CLIP1: variants seen among roughly 807,000 people sequenced by gnomAD.
CLIP1 encodes CAP-Gly domain-containing linker protein 1.
CLIP1 carries 66 observed loss-of-function variants against 161.6 expected under a neutral mutation model. The ratio of observed to expected loss-of-function variants is 0.41; its 90% CI spans 0.33 to 0.50. CLIP1 has a LOEUF of 0.50. CLIP1 is among the 20% of genes least tolerant of loss of function. The pLI is 0.27. For synonymous variants in CLIP1, 598 were observed against 626.2 expected, an observed-to-expected ratio of 0.96 and a Z score of 0.67; for missense variants, 1,376 against 1,702.0, an observed-to-expected ratio of 0.81 and a Z score of 3.37.
chr12:122,364,422 G>C (rs1334611471), intron 3 of CLIP1, among the ~76,000 whole-genome samples: 1 of 89,774 alleles, frequency 1.1e-5, no homozygotes, highest in Non-Finnish European at 2.3e-5. Flanking sequence ...TTTTTTTTTT[G>C]AGACAGGGTC....
Position 122,316,813 on chromosome 12 carries a change from G to T in CLIP1, c.3409C>A (p.Leu1137Met). 6.3e-7 allele frequency: 1 copy of T among 1,590,844 alleles called. No homozygotes were observed. ...KENNLKNVEELNKSKELLTVE... is the reference protein window; with the variant it reads ...KENNLKNVEEMNKSKELLTVE... ...GTCAGGAGTTCTTTTGATTTGTTCA[G>T]CTCTTCCACATTTTTCAAGTTGTTT... Residue 1137 changes from leucine to methionine, a missense_variant, in exon 19 of 26, where the codon CTG becomes ATG. Transcript: ENST00000620786.
At chr12:122,317,008 A>C (rs1431874362) in intron 18 of CLIP1, among the ~76,000 whole-genome samples, 153 bp from the exon 19 acceptor site, 1 of 152,078 alleles carries the variant, frequency 6.6e-6, no homozygotes, top group Non-Finnish European at 1.5e-5. Context: ...ATTACAGATG[A>C]CAAGTCTATT....
chr12:122,358,650 T>C (rs1228155325), intron 5 of CLIP1, among the ~76,000 whole-genome samples: 1 of 151,910 alleles, frequency 6.6e-6, no homozygotes, highest in South Asian at 2.1e-4. Flanking sequence ...TTTCATAGGA[T>C]TGTTTGATAA....
At chr12:122,409,656 C>G (rs774901348) in intron 1 of CLIP1, among the ~76,000 whole-genome samples, 2 of 151,332 alleles carry the variant, frequency 1.3e-5, no homozygotes, top group Non-Finnish European at 2.9e-5. Context: ...ATCAGCCTCC[C>G]GAGTAGCTGG....
At chr12:122,363,427 G>A (rs1412102737) in intron 4 of CLIP1, among the ~76,000 whole-genome samples, 1 of 151,850 alleles carries the variant, frequency 6.6e-6, no homozygotes, top group African/African-American at 2.4e-5. Context: ...AGAAGGGGGA[G>A]GTTGCATGCA....
intron 10 of CLIP1, 138 bp downstream of exon 10, chr12:122,347,237 C>T (rs1952793610): frequency 3.5e-6 from 2 of 569,292 alleles, no homozygotes; most frequent in African/African-American, 3.6e-5. Context: ...TCTCAGCTCA[C>T]AAACACCTGA....
chr12:122,357,502 G>A (rs1953482320), intron 5 of CLIP1, among the ~76,000 whole-genome samples: 1 of 672 alleles, frequency 1.5e-3, no homozygotes, highest in Non-Finnish European at 4.2e-3. Context: ...ATCCAGGAGG[G>A]AGGTGGGGGG....
chr12:122,294,739 A>G (rs954874212), intron 20 of CLIP1, among the ~76,000 whole-genome samples: 3 of 151,812 alleles, frequency 2.0e-5, no homozygotes, highest in African/African-American at 7.3e-5. Context: ...CCCTGTCTCA[A>G]ATAATAATAA....
rs550061013 is a variant in CLIP1, at chr12:122,311,429, A to T, written c.3474-1547T>A. Reference sequence around the variant, plus strand: ...TAAAAACAAAATTATTATTATTATTATTTTTTTTTTTTTGAGACAGAGTCT... The same window carrying T: ...TAAAAACAAAATTATTATTATTATTTTTTTTTTTTTTTTGAGACAGAGTCT... On this transcript the variant is annotated intron_variant, in intron 19 of 25. Transcript: ENST00000620786. This position sits in a 1 kb window ranked among gnomAD's most constrained non-coding sequence, Gnocchi z 4.3. 6.0e-3 allele frequency among the ~76,000 whole-genome samples: 897 copies of T among 150,128 alleles called. 10 individuals carry two copies. The highest frequency in any genetic ancestry group is 0.015 in the African/African-American group (605 of 40,594).
intron 21 of CLIP1, among the ~76,000 whole-genome samples, chr12:122,285,887 T>C (rs1955831519): frequency 6.6e-6 from 1 of 151,830 alleles, no homozygotes; most frequent in Non-Finnish European, 1.5e-5. Context: ...AAAAATCTTA[T>C]TTATGTAAAA....
intron 17 of CLIP1, chr12:122,322,330 G>A (rs182709579): frequency 1.3e-5 from 2 of 152,504 alleles, no homozygotes; most frequent in African/African-American, 2.4e-5. Flanking sequence ...GCATCATTTC[G>A]CTCTTCTCAG....
chr12:122,276,387 C>CACACACACAA, intron 24 of CLIP1: 3 of 1,273,668 alleles, frequency 2.4e-6, no homozygotes, highest in Non-Finnish European at 2.0e-6. Context: ...GGAAACCACA[C>CACACACACAA]ACACACACAC....
In CLIP1 at chr12:122,377,961, C is replaced by A; in HGVS notation, c.86-1G>T. The A allele has an allele frequency of 2.5e-6, 4 of 1,595,140 alleles. No individual in the cohort carries two copies. The highest frequency in any genetic ancestry group is 2.6e-6 in the Non-Finnish European group (3 of 1,173,554). ...ATGGTTTTTTCTACTGGAGCTACAA[C>A]TGAAAACAAAAGATCATAAGAGATT... On this transcript the variant is annotated splice_acceptor_variant, in intron 2 of 25. Transcript: ENST00000620786. LOFTEE classifies it high-confidence loss of function.
chr12:122,302,468 T>G (rs1950719421), intron 20 of CLIP1, among the ~76,000 whole-genome samples: 2 of 152,346 alleles, frequency 1.3e-5, no homozygotes, highest in Admixed American at 1.3e-4. Context: ...TCTATTATTT[T>G]GGACCAATTT....
chr12:122,342,757 A>T (rs1238206673), intron 10 of CLIP1: 2 of 148,384 alleles, frequency 1.3e-5, no homozygotes, highest in African/African-American at 4.9e-5. Flanking sequence ...TGAGTCTAGG[A>T]GGTTGAGGCT....
chr12:122,355,775 C>G lies in CLIP1; in HGVS notation c.1006-463G>C, dbSNP rs1341511182. ...ATCACAGGCGTGCACCACTACCGCC[C>G]AGCTAATTTTTATATTTTTAGTAGA... On this transcript the variant is annotated intron_variant, in intron 5 of 25. Transcript: ENST00000620786. The surrounding 1 kb of genome is among the most constrained non-coding windows in gnomAD (Gnocchi z 4.1). 1.9e-5 allele frequency: 3 copies of G among 157,364 alleles called. No homozygotes were observed. The highest frequency in any genetic ancestry group is 4.2e-5 in the Non-Finnish European group (3 of 71,660). 9.7% of individuals were successfully genotyped at this position (157,364 alleles called of 1,614,324 possible).
chr12:122,354,078 A>T (rs1953199075), intron 7 of CLIP1, among the ~76,000 whole-genome samples: 1 of 151,982 alleles, frequency 6.6e-6, no homozygotes, highest in Non-Finnish European at 1.5e-5. Flanking sequence ...TATTAATAGG[A>T]AATTTTCTTC....
At chr12:122,331,657 C>T (rs1951975746) in intron 15 of CLIP1, among the ~76,000 whole-genome samples, 1 of 152,080 alleles carries the variant, frequency 6.6e-6, no homozygotes, top group Admixed American at 6.6e-5. Flanking sequence ...AAGCTGTTAG[C>T]ACAGTGCATG....
chr12:122,338,140 C>T (rs560872960), intron 11 of CLIP1, among the ~76,000 whole-genome samples: 1 of 150,184 alleles, frequency 6.7e-6, no homozygotes, highest in South Asian at 2.1e-4. Flanking sequence ...GAGTTCAAGA[C>T]CAGCCCGGCC....
Sources: allele counts gnomAD v4.1 joint callset (sites outside exome capture counted in the v4.1 genomes callset), GRCh38; gene constraint gnomAD v4.1.1; non-coding constraint Gnocchi (gnomAD v3.1); transcripts MANE v1.5; gene names NCBI Gene and HGNC (gene_info 2026-07-23, HGNC 2026-07-21).